ERICH3: variants seen among roughly 807,000 people sequenced by gnomAD.
The protein encoded by ERICH3 is glutamate rich 3, also known as glutamate-rich protein 3.
ERICH3 carries 126 observed loss-of-function variants against 131.1 expected under a neutral mutation model. That is an observed-to-expected ratio of 0.96 (90% CI 0.83 to 1.11). The LOEUF (loss-of-function observed/expected upper bound fraction) is 1.11, where lower values mean the gene tolerates loss of function less well. Among genes scored for constraint, ERICH3 ranks in the 50% most tolerant of loss-of-function variants. ERICH3 has a pLI of 0.00. For missense variants in ERICH3, 2,050 were observed against 1,810.7 expected, an observed-to-expected ratio of 1.13 and a Z score of -2.40; for synonymous variants, 695 against 644.6, an observed-to-expected ratio of 1.08 and a Z score of -1.18.
intron 8 of ERICH3, among the ~76,000 whole-genome samples, chr1:74,615,833 C>T (rs976145672): frequency 1.4e-4 from 21 of 152,140 alleles, no homozygotes; most frequent in Admixed American, 1.1e-3. Flanking sequence ...AATAACCAGC[C>T]GCTTTGCTGT....
intron 13 of ERICH3, among the ~76,000 whole-genome samples, chr1:74,576,513 G>A (rs147439212): frequency 1.0e-3 from 152 of 152,206 alleles, no homozygotes; most frequent in African/African-American, 3.4e-3. Flanking sequence ...CATAAATACA[G>A]GTACTCTGGC....
At chr1:74,652,707 G>T (rs1228280821) in intron 1 of ERICH3, among the ~76,000 whole-genome samples, 1 of 152,030 alleles carries the variant, frequency 6.6e-6, no homozygotes, top group African/African-American at 2.4e-5. Flanking sequence ...ATCCTCCACT[G>T]CACCCTTTTC....
intron 3 of ERICH3, among the ~76,000 whole-genome samples, chr1:74,643,589 G>C (rs1417775380): frequency 2.0e-5 from 3 of 152,074 alleles, no homozygotes; most frequent in African/African-American, 7.2e-5. Flanking sequence ...ATAAAAGCAG[G>C]ATACAGAATT....
At chr1:74,605,400 A>G (rs1224463224) in intron 10 of ERICH3, among the ~76,000 whole-genome samples, 2 of 151,868 alleles carry the variant, frequency 1.3e-5, no homozygotes, top group Non-Finnish European at 2.9e-5. Context: ...TCCTTCAGGA[A>G]CTTTTCTTTT....
chr1:74,669,320 G>A (rs1348331855), intron 1 of ERICH3, among the ~76,000 whole-genome samples: 1 of 151,552 alleles, frequency 6.6e-6, no homozygotes, highest in Admixed American at 6.6e-5. Context: ...TTTTTTTCTT[G>A]TCATGAGCTA....
At chr1:74,591,099 G>A (rs1647579634) in intron 11 of ERICH3, among the ~76,000 whole-genome samples, 1 of 152,040 alleles carries the variant, frequency 6.6e-6, no homozygotes, top group African/African-American at 2.4e-5. Flanking sequence ...TGTGTATTTG[G>A]CCAGTACATA....
At chr1:74,666,442 G>A (rs140224539) in intron 1 of ERICH3, among the ~76,000 whole-genome samples, 1 of 152,150 alleles carries the variant, frequency 6.6e-6, no homozygotes, top group East Asian at 1.9e-4. Context: ...TACTGAAAGA[G>A]TCTCAGTAAG....
At position 74,602,085 on chromosome 1, in the gene ERICH3, T is replaced by C. The variant is rs1411939642; in HGVS notation, c.1490-2154A>G. Among the ~76,000 whole-genome samples, 3 of 151,926 alleles carry C rather than the reference T, an allele frequency of 2.0e-5. No homozygotes were observed. In the East Asian group the frequency reaches 5.8e-4, roughly 29 times the overall value. ...AGCAACACACTTTAGTGGAGGCACC[T>C]GATTAAAATCAGAGCAGTACAAGTG... is the stretch of plus-strand genomic sequence containing the variant. On this transcript the variant is annotated intron_variant, in intron 10 of 14. Coordinates refer to ENST00000326665, the MANE Select transcript of ERICH3 (RefSeq NM_001002912.5).
intron 1 of ERICH3, among the ~76,000 whole-genome samples, chr1:74,655,657 A>T (rs946885599): frequency 3.9e-5 from 6 of 152,162 alleles, no homozygotes; most frequent in African/African-American, 1.4e-4. Context: ...TGCAACTTTT[A>T]TTCCTCCTTT....
intron 12 of ERICH3, among the ~76,000 whole-genome samples, chr1:74,582,668 T>A (rs1419730526): frequency 6.6e-6 from 1 of 152,176 alleles, no homozygotes; most frequent in Non-Finnish European, 1.5e-5. Context: ...ATTCAGGCCA[T>A]CACAAGTGGG....
intron 1 of ERICH3, among the ~76,000 whole-genome samples, chr1:74,650,834 C>CTGTGTG (rs5775252): frequency 2.7e-3 from 399 of 146,110 alleles, no homozygotes; most frequent in African/African-American, 6.5e-3. Flanking sequence ...GAGGGGACTA[C>CTGTGTG]TGTGTGTGTG....
chr1:74,597,989 C>T (rs940736884), intron 11 of ERICH3, among the ~76,000 whole-genome samples: 12 of 151,954 alleles, frequency 7.9e-5, no homozygotes, highest in African/African-American at 2.9e-4. Context: ...TGTAGTCTGC[C>T]ACTGGTGTTT....
At chr1:74,608,197 T>A (rs2100590766) in intron 9 of ERICH3, among the ~76,000 whole-genome samples, 1 of 152,092 alleles carries the variant, frequency 6.6e-6, no homozygotes, top group East Asian at 1.9e-4. Flanking sequence ...ACTTTGAGCT[T>A]ATCACCAAAG....
At chr1:74,617,023 CAG>C (rs1386959979) in intron 8 of ERICH3, among the ~76,000 whole-genome samples, 3 of 152,050 alleles carry the variant, frequency 2.0e-5, no homozygotes, top group African/African-American at 7.2e-5. Context: ...TATAAAAACA[CAG>C]AGACTACCCC....
intron 2 of ERICH3, 122 bp from the exon 3 acceptor site, chr1:74,646,914 A>G (rs1646489632): frequency 6.2e-6 from 2 of 323,752 alleles, no homozygotes; most frequent in Non-Finnish European, 1.1e-5. Flanking sequence ...ACACACACAC[A>G]CAGAGAGAGA....
intron 10 of ERICH3, among the ~76,000 whole-genome samples, chr1:74,606,163 A>G (rs539670360): frequency 1.3e-5 from 2 of 151,904 alleles, no homozygotes; most frequent in Non-Finnish European, 2.9e-5. Flanking sequence ...CCCTAAGCCT[A>G]TAGTCAACTG....
At chr1:74,571,030 G>A (rs1646931614) in intron 14 of ERICH3, 69 bp downstream of exon 14, 1 of 1,522,400 alleles carries the variant, frequency 6.6e-7, no homozygotes, top group Non-Finnish European at 8.8e-7. Context: ...GGACAAGCCA[G>A]CCCCAAGGGG....
intron 3 of ERICH3, among the ~76,000 whole-genome samples, chr1:74,644,639 C>G (rs1646466176): frequency 6.6e-6 from 1 of 152,016 alleles, no homozygotes; most frequent in South Asian, 2.1e-4. Context: ...ATTCAGTCAG[C>G]TTAAATCTTT....
chr1:74,604,557 C>T (rs1459557701), intron 10 of ERICH3, among the ~76,000 whole-genome samples: 2 of 151,882 alleles, frequency 1.3e-5, no homozygotes, highest in Non-Finnish European at 2.9e-5. Context: ...AAAATTACTC[C>T]TTGATCCATA....
Sources: gnomAD v4.1 joint callset for allele counts (sites outside exome capture counted in the v4.1 genomes callset) on GRCh38, gnomAD v4.1.1 for gene constraint, MANE v1.5 for transcripts, NCBI Gene and HGNC (gene_info 2026-07-23, HGNC 2026-07-21) for gene names.